XKR5: variants seen among roughly 807,000 people sequenced by gnomAD.
XKR5 encodes the protein XK-related protein 5.
In XKR5, 46 loss-of-function variants were observed where a neutral mutation model predicts 40.8. The observed-to-expected ratio is 1.13, with a 90% confidence interval of 0.89 to 1.44. The LOEUF is 1.44. Ranked by LOEUF, XKR5 falls within the 40% of genes most tolerant of loss-of-function variation. The probability of loss-of-function intolerance (pLI) is 0.00; values close to 1 mark genes in which losing one functional copy is unlikely to be tolerated. For missense variants in XKR5, 1,169 were observed against 844.7 expected (o/e 1.38, Z -4.76); for synonymous variants, 466 against 356.1 (o/e 1.31, Z -3.48).
chr8:6,823,701 G>C lies in XKR5; in HGVS notation c.457C>G (p.Leu153Val), dbSNP rs1804342064. 2 of 1,586,484 alleles carry C rather than the reference G, an allele frequency of 1.3e-6. No individual in the cohort carries two copies. The highest frequency in any genetic ancestry group is 1.7e-6 in the Non-Finnish European group (2 of 1,166,556). Reference sequence around the variant, plus strand: ...GTGTAGGACACCAGTGCCCAGGAGAGTGAGGACCAGGAAAACAGGGTGCTC... The same window carrying C: ...GTGTAGGACACCAGTGCCCAGGAGACTGAGGACCAGGAAAACAGGGTGCTC... ...GVSTLFSWSS[L>V]SWALVSYTRF... Residue 153 changes from leucine (L) to valine (V), a missense_variant, in exon 4 of 7, where the codon CTC (leucine) becomes GTC (valine). By Grantham distance (32) the Leu-to-Val change is conservative (BLOSUM62 1). Coordinates refer to ENST00000618742, the MANE Select transcript of XKR5 (RefSeq NM_207411.5).
chr8:6,824,309 G>C (rs1253024547), intron 3 of XKR5, among the ~76,000 whole-genome samples: 1 of 151,814 alleles, frequency 6.6e-6, no homozygotes. Flanking sequence ...GGGAGAGGTG[G>C]GGAGGGAGAG....
rs1481051543 is a variant in XKR5 at position 6,811,138 on chromosome 8, A to G, written c.*60T>C. On this transcript the variant is annotated 3_prime_UTR_variant, in exon 7 of 7. Coordinates refer to ENST00000618742, the MANE Select transcript of XKR5 (RefSeq NM_207411.5). ...TGTCAGAAGTGGGATTTCCTTTCTCACGGTACCAAATGGCCAGCTTGGTTT... is the reference window on the plus strand; with the variant it reads ...TGTCAGAAGTGGGATTTCCTTTCTCGCGGTACCAAATGGCCAGCTTGGTTT... 6.9e-7 allele frequency: 1 copy of G among 1,458,882 alleles called. No homozygotes were observed. Among genetic ancestry groups the G allele is most frequent in the Admixed American group, 2.3e-5 (1 of 43,730 alleles). 90.4% of individuals were successfully genotyped at this position (1,458,882 alleles called of 1,614,324 possible).
intron 5 of XKR5, among the ~76,000 whole-genome samples, chr8:6,820,675 C>T (rs574719071): frequency 3.1e-4 from 47 of 152,330 alleles, no homozygotes; most frequent in East Asian, 7.7e-4. Context: ...ATCTACAACA[C>T]GCACGCTGTT....
chr8:6,833,050 G>C (rs185732185), intron 1 of XKR5, 150 bp from the exon 2 acceptor site: 3 of 736,980 alleles, frequency 4.1e-6, no homozygotes, highest in Middle Eastern at 4.0e-4. Flanking sequence ...CCCTCCCAAG[G>C]CTAGCAATTA....
At chr8:6,830,617 A>C (rs1804722527) in intron 2 of XKR5, among the ~76,000 whole-genome samples, 1 of 151,864 alleles carries the variant, frequency 6.6e-6, no homozygotes, top group Admixed American at 6.6e-5. Flanking sequence ...GGCCTTTCTC[A>C]TTTCTTTTCT....
At chr8:6,813,838 C>A (rs17639531) in intron 6 of XKR5, among the ~76,000 whole-genome samples, 6,767 of 152,264 alleles carry the variant, frequency 0.044, 197 homozygotes, top group Middle Eastern at 0.065. Flanking sequence ...TGGAAGGAAA[C>A]CAGGCATCCA....
intron 5 of XKR5, among the ~76,000 whole-genome samples, chr8:6,817,312 T>C (rs916184237): frequency 6.6e-5 from 10 of 152,202 alleles, no homozygotes; most frequent in African/African-American, 2.4e-4. Context: ...CAGATGGTCC[T>C]GTTTGCCACT....
At chr8:6,817,019 T>C (rs1803989431) in intron 5 of XKR5, among the ~76,000 whole-genome samples, 1 of 152,170 alleles carries the variant, frequency 6.6e-6, no homozygotes, top group African/African-American at 2.4e-5. Flanking sequence ...AGAAGGCATC[T>C]TTCTCTCCCC....
Position 6,825,361 on chromosome 8 carries a change from C to T in XKR5, c.243-12G>A, listed in dbSNP as rs1587187252. The T allele has an allele frequency of 6.6e-7, 1 of 1,523,140 alleles. No individual in the cohort carries two copies. The highest frequency in any genetic ancestry group is 1.4e-5 in the African/African-American group (1 of 71,062). 94.4% of individuals were successfully genotyped at this position (1,523,140 alleles called of 1,614,324 possible). A position where few individuals can be genotyped will look rare whatever the true frequency, so the allele number is the denominator to read the frequency against. ...CAGCGTCCCAGTGCCTAGGGAACAGCAGAGGGCACGTGACACGGAGCCAGG... is the reference window on the plus strand; with the variant it reads ...CAGCGTCCCAGTGCCTAGGGAACAGTAGAGGGCACGTGACACGGAGCCAGG... On this transcript the variant is annotated splice_polypyrimidine_tract_variant and intron_variant, in intron 2 of 6. Coordinates refer to ENST00000618742, the MANE Select transcript of XKR5 (RefSeq NM_207411.5).
chr8:6,822,341 T>C (rs761447327), intron 4 of XKR5, among the ~76,000 whole-genome samples: 1 of 152,208 alleles, frequency 6.6e-6, no homozygotes, highest in African/African-American at 2.4e-5. Flanking sequence ...TTCCAGAAAG[T>C]GTTTAAAGGG....
chr8:6,829,353 G>C (rs1415720379), intron 2 of XKR5: 3 of 168,982 alleles, frequency 1.8e-5, no homozygotes, highest in Non-Finnish European at 4.4e-5. Flanking sequence ...CAGTATTAAA[G>C]TGTAAGTAAA....
At chr8:6,813,903 G>C (rs899601949) in intron 6 of XKR5, among the ~76,000 whole-genome samples, 16 of 152,228 alleles carry the variant, frequency 1.1e-4, no homozygotes, top group African/African-American at 3.9e-4. Flanking sequence ...TTCTGAGTCA[G>C]TGTTAAAATC....
Position 6,835,513 on chromosome 8 carries a change from GC to G in XKR5, c.-21del, listed in dbSNP as rs1050313888. 8.1e-6 allele frequency: 12 copies of G among 1,489,866 alleles called. No individual in the cohort carries two copies. In the African/African-American group the frequency reaches 1.4e-4, roughly 18 times the overall value. The allele number at this position is 1,489,866 out of a possible 1,614,324, so 92.3% of individuals were successfully genotyped here. Reference sequence around the variant, plus strand: ...GTGCATCTTCCGTGCCGACCCCGCAGCCTGCGCCCGCCCCTTCCCCTGCACG... The same window carrying G: ...GTGCATCTTCCGTGCCGACCCCGCAGCTGCGCCCGCCCCTTCCCCTGCACG... On this transcript the variant is annotated 5_prime_UTR_variant, in exon 1 of 7. Coordinates refer to ENST00000618742, the MANE Select transcript of XKR5 (RefSeq NM_207411.5).
In XKR5 at chr8:6,817,567, C is replaced by A. The variant is rs544799410; in HGVS notation, c.808-1649G>T. Among the ~76,000 whole-genome samples the A allele has an allele frequency of 9.2e-5, 14 of 152,172 alleles. No homozygotes were observed. In the South Asian group the frequency reaches 1.0e-3, roughly 11 times the overall value. On this transcript the variant is annotated intron_variant, in intron 5 of 6. Transcript: ENST00000618742. ...CCAGCAGCTCAAGGCCTCACCCCTA[C>A]GATGCTGACCTCAGTCTCCTTTAAG...
intron 1 of XKR5, among the ~76,000 whole-genome samples, chr8:6,834,536 A>C (rs1804918081): frequency 7.9e-5 from 12 of 152,312 alleles, no homozygotes; most frequent in Admixed American, 5.9e-4. Context: ...CAGCCCTTCC[A>C]GTCCGGGGCG....
intron 5 of XKR5, among the ~76,000 whole-genome samples, chr8:6,819,805 T>C (rs1804142342): frequency 6.9e-6 from 1 of 145,088 alleles, no homozygotes; most frequent in Non-Finnish European, 1.5e-5. Context: ...ATCTTTACCC[T>C]CCACTTCCTT....
chr8:6,821,686 C>T (rs1804231867), intron 5 of XKR5, among the ~76,000 whole-genome samples, 183 bp downstream of exon 5: 1 of 152,142 alleles, frequency 6.6e-6, no homozygotes. Flanking sequence ...TTACTATTTT[C>T]AAAGCCTGTC....
chr8:6,823,578 C>A lies in XKR5; in HGVS notation c.580G>T (p.Val194Leu). The A allele has an allele frequency of 6.3e-7, 1 of 1,596,878 alleles. No individual in the cohort carries two copies. Among genetic ancestry groups the A allele is most frequent in the African/African-American group, 1.3e-5 (1 of 74,758 alleles). Residue 194 changes from valine to leucine, a missense_variant, in exon 4 of 7, where the codon GTG (valine) becomes TTG (leucine). Physicochemically the swap from Val to Leu is conservative, Grantham distance 32 (BLOSUM62 1). Coordinates refer to ENST00000618742, the MANE Select transcript of XKR5 (RefSeq NM_207411.5). The part of the protein sequence containing the change: ...LWRMGMLGTR[V>L]LSLVLFYKAY... ...TTGTAGAACAGAACCAGACTCAGCA[C>A]GCGGGTTCCCAACATGCCCATCCTC...
chr8:6,825,046 G>A lies in XKR5; in HGVS notation c.427+119C>T, dbSNP rs554548574. ...GCATCATCTGTGCCAGTGAGCTCAA[G>A]GTGCCCTAATGCTCCTAAGCAGAGG... On this transcript the variant is annotated intron_variant, in intron 3 of 6. Transcript: ENST00000618742. 1.8e-5 allele frequency: 21 copies of A among 1,190,072 alleles called. No individual in the cohort carries two copies. In the African/African-American group the frequency reaches 3.3e-4, roughly 18 times the overall value. The allele number at this position is 1,190,072 out of a possible 1,614,324, so 73.7% of individuals were successfully genotyped here.
Sources: allele counts gnomAD v4.1 joint callset (sites outside exome capture counted in the v4.1 genomes callset), GRCh38; gene constraint gnomAD v4.1.1; transcripts MANE v1.5; gene names NCBI Gene and HGNC (gene_info 2026-07-23, HGNC 2026-07-21).